Variants in SLC19A2 observed in about 807,000 individuals in gnomAD.
SLC19A2 encodes thiamine transporter 1.
Under a neutral mutation model 44.7 loss-of-function variants are expected in SLC19A2, and 27 were observed. The ratio of observed to expected loss-of-function variants is 0.60; its 90% confidence interval spans 0.45 to 0.83. The LOEUF (loss-of-function observed/expected upper bound fraction) is 0.83, where lower values mean the gene tolerates loss of function less well. Among genes scored for constraint, SLC19A2 ranks in the 40% least tolerant of loss-of-function variants. The probability of loss-of-function intolerance (pLI) is 0.00; values close to 1 mark genes in which losing one functional copy is unlikely to be tolerated. For missense variants in SLC19A2, 566 were observed against 613.7 expected, an observed-to-expected ratio of 0.92 and a Z score of 0.82; for synonymous variants, 239 against 243.6, an observed-to-expected ratio of 0.98 and a Z score of 0.18.
In SLC19A2 at chr1:169,464,585, C is replaced by T. The variant is rs1313168545; in HGVS notation, c.*1264G>A. 6.6e-6 allele frequency: 1 copy of T among 152,306 alleles called. No individual in the cohort carries two copies. The highest frequency in any genetic ancestry group is 1.5e-5 in the Non-Finnish European group (1 of 67,988). 9.4% of individuals were successfully genotyped at this position (152,306 alleles called of 1,614,324 possible). On this transcript the variant is annotated 3_prime_UTR_variant, in exon 6 of 6. Coordinates refer to ENST00000236137, the MANE Select transcript of SLC19A2 (RefSeq NM_006996.3). Reference sequence around the variant, plus strand: ...TATCTAGATTCTTTTCAAGATAAGGCAACAAAGTCAGCTTTAAAATAGTTT... The same window carrying T: ...TATCTAGATTCTTTTCAAGATAAGGTAACAAAGTCAGCTTTAAAATAGTTT...
chr1:169,484,600 G>T (rs1159134740), intron 1 of SLC19A2, among the ~76,000 whole-genome samples: 1 of 152,202 alleles, frequency 6.6e-6, no homozygotes, highest in African/African-American at 2.4e-5. Context: ...CGGTTTTGTG[G>T]AAGTACTTTG....
Position 169,485,663 on chromosome 1 carries a change from G to A in SLC19A2, c.104C>T (p.Ala35Val), listed in dbSNP as rs756487822. 1.4e-5 allele frequency: 22 copies of A among 1,553,202 alleles called. No homozygotes were observed. The Admixed American group carries it at 4.3e-4, about 30-fold the overall frequency. ...VRRECWFLPT[A>V]LLCAYGFFAS... The stretch of plus-strand genomic sequence containing the variant: ...GAAGAAGCCGTAGGCGCAGAGCAGC[G>A]CGGTCGGCAAGAACCAGCATTCGCG... Residue 35 changes from alanine (A) to valine (V), a missense_variant, in exon 1 of 6, where the codon GCG becomes GTG. Transcript: ENST00000236137.
chr1:169,471,060 C>CA (rs34821464), intron 2 of SLC19A2, among the ~76,000 whole-genome samples: 29,880 of 133,250 alleles, frequency 0.22, 4,252 homozygotes, highest in East Asian at 0.81. Flanking sequence ...CTATCTCTAC[C>CA]AAAAAAAAAA....
At chr1:169,473,233 T>TTTTA (rs994490659) in intron 2 of SLC19A2, among the ~76,000 whole-genome samples, 2 of 151,792 alleles carry the variant, frequency 1.3e-5, no homozygotes, top group African/African-American at 2.4e-5. Context: ...TGGGTGGAAA[T>TTTTA]TTTATTTATT....
rs2101773650 is a variant in SLC19A2 at position 169,468,679 on chromosome 1, G to A, written c.1188C>T (p.Phe396=). The change falls in exon 4 of 6, where the codon TTC becomes TTT. Residue 396 remains phenylalanine (F), a synonymous_variant. Coordinates refer to ENST00000236137, the MANE Select transcript of SLC19A2 (RefSeq NM_006996.3). ...IWVCYASYVV[F]RIIYMLLITI... is the part of the protein sequence containing the mutation. ...TGATGAGTAACATGTAGATGATTCT[G>A]AAGACAACATAGGATGCATAGCACA... The A allele has an allele frequency of 1.2e-6, 2 of 1,613,682 alleles. No individual in the cohort carries two copies. The highest frequency in any genetic ancestry group is 4.5e-5 in the East Asian group (2 of 44,878).
intron 2 of SLC19A2, 35 bp downstream of exon 2, chr1:169,477,120 A>G (rs1375751159): frequency 6.2e-7 from 1 of 1,612,090 alleles, no homozygotes; most frequent in Non-Finnish European, 8.5e-7. Flanking sequence ...CAGCCCCCAT[A>G]GTAGCAATTA....
rs1658349915 is a variant in SLC19A2 at position 169,477,428 on chromosome 1, G to C, written c.534C>G (p.Ile178Met). ...GFTVGSVLGQ[I>M]LVSVAGWSLF... ...GCGACCAGCCTGCCACTGAGACAAGGATTTGCCCTAGGACAGAGCCCACTG... is the reference window on the plus strand; with the variant it reads ...GCGACCAGCCTGCCACTGAGACAAGCATTTGCCCTAGGACAGAGCCCACTG... Residue 178 changes from isoleucine (I) to methionine (M), a missense_variant, in exon 2 of 6, where the codon ATC (isoleucine) becomes ATG (methionine). By Grantham distance (10) the Ile-to-Met change is conservative. Transcript: ENST00000236137. The C allele has an allele frequency of 1.2e-6, 2 of 1,614,170 alleles. No homozygotes were observed. The highest frequency in any genetic ancestry group is 1.1e-5 in the South Asian group (1 of 91,082).
At position 169,468,264 on chromosome 1, in the gene SLC19A2, AT is replaced by A. The variant is rs758932092; in HGVS notation, c.1224-13del. On this transcript the variant is annotated splice_polypyrimidine_tract_variant and intron_variant, in intron 4 of 5. Coordinates refer to ENST00000236137, the MANE Select transcript of SLC19A2 (RefSeq NM_006996.3). ...CAGCAATTTGAAAACTTAAAAAAAA[AT>A]AAAAGAGTGAATAAATAAGAATTAC... 10 of 1,607,516 alleles carry A rather than the reference AT, an allele frequency of 6.2e-6. No individual in the cohort carries two copies. Among genetic ancestry groups the A allele is most frequent in the Non-Finnish European group, 8.5e-6 (10 of 1,174,786 alleles).
At chr1:169,466,812 C>T (rs527349480) in intron 5 of SLC19A2, among the ~76,000 whole-genome samples, 8 of 151,800 alleles carry the variant, frequency 5.3e-5, no homozygotes, top group Non-Finnish European at 8.8e-5. Flanking sequence ...TGTTAGTTTG[C>T]GGCGGATGAT....
Position 169,475,623 on chromosome 1 carries a change from TC to T in SLC19A2, c.807+1531del, listed in dbSNP as rs540408463. Among the ~76,000 whole-genome samples the T allele has an allele frequency of 3.9e-5, 6 of 152,204 alleles. No homozygotes were observed. In the South Asian group the frequency reaches 1.2e-3, roughly 32 times the overall value. ...TCTATGAAATGATTACACACCTCCT[TC>T]CCTCCCCCATCAACCCTCTGTTGAC... On this transcript the variant is annotated intron_variant, in intron 2 of 5. Transcript: ENST00000236137.
At chr1:169,475,406 A>G (rs779923803) in intron 2 of SLC19A2, among the ~76,000 whole-genome samples, 14 of 152,126 alleles carry the variant, frequency 9.2e-5, no homozygotes, top group Non-Finnish European at 1.5e-4. Flanking sequence ...AATGTTTTCT[A>G]TGTTTCTTAC....
Position 169,464,830 on chromosome 1 carries a change from C to T in SLC19A2, c.*1019G>A, listed in dbSNP as rs754840404. ...CCATTGAAATAATTGAAAAGAGGCTCAGTTTATGAAAAAGGCCTTGGACTA... is the reference window on the plus strand; with the variant it reads ...CCATTGAAATAATTGAAAAGAGGCTTAGTTTATGAAAAAGGCCTTGGACTA... On this transcript the variant is annotated 3_prime_UTR_variant, in exon 6 of 6. Transcript: ENST00000236137. The T allele has an allele frequency of 3.3e-5, 5 of 152,502 alleles. No individual in the cohort carries two copies. The highest frequency in any genetic ancestry group is 5.9e-5 in the Non-Finnish European group (4 of 68,006). 9.4% of individuals were successfully genotyped at this position (152,502 alleles called of 1,614,324 possible).
rs1042607160 is a variant in SLC19A2, at chr1:169,485,741, C to G, written c.26G>C (p.Arg9Pro). Residue 9 changes from arginine (R) to proline (P), a missense_variant, in exon 1 of 6, where the codon CGG (arginine) becomes CCG (proline). Physicochemically the swap from Arg to Pro is moderately radical, Grantham distance 103 (BLOSUM62 -2). Transcript: ENST00000236137. ...AGTGGCCGCCGCCGCCGCCGCCCGCCGAGACACCGGGCCGGGCACATCCAT... is the reference window on the plus strand; with the variant it reads ...AGTGGCCGCCGCCGCCGCCGCCCGCGGAGACACCGGGCCGGGCACATCCAT... MDVPGPVS[R>P]RAAAAAATVL... 3 of 1,536,230 alleles carry G rather than the reference C, an allele frequency of 2.0e-6. No homozygotes were observed. The highest frequency in any genetic ancestry group is 2.0e-5 in the Admixed American group (1 of 50,842).
chr1:169,479,645 A>G (rs1658400937), intron 1 of SLC19A2, among the ~76,000 whole-genome samples: 1 of 152,254 alleles, frequency 6.6e-6, no homozygotes, highest in African/African-American at 2.4e-5. Flanking sequence ...TGAATTAACT[A>G]AATTAATTGA....
rs1658339877 is a variant in SLC19A2, at chr1:169,477,181, T to C, written c.781A>G (p.Met261Val). 6.2e-7 allele frequency: 1 copy of C among 1,613,736 alleles called. No homozygotes were observed. The highest frequency in any genetic ancestry group is 1.3e-5 in the African/African-American group (1 of 74,898). The change falls in exon 2 of 6, where the codon ATG (methionine) becomes GTG (valine). Residue 261 changes from methionine to valine, a missense_variant. Physicochemically the swap from Met to Val is conservative, Grantham distance 21 (BLOSUM62 1). Transcript: ENST00000236137. Reference protein sequence around the residue: ...EDIESKIPLNMEEPPVEEPEP... With the variant: ...EDIESKIPLNVEEPPVEEPEP... Reference sequence around the variant, plus strand: ...GGTTCCTCCACGGGAGGCTCCTCCATATTTAGAGGGATTTTTGACTCAATG... The same window carrying C: ...GGTTCCTCCACGGGAGGCTCCTCCACATTTAGAGGGATTTTTGACTCAATG...
chr1:169,471,675 C>CGTGTGTGTGTGT (rs140548510), intron 2 of SLC19A2, among the ~76,000 whole-genome samples: 19,129 of 131,226 alleles, frequency 0.15, 1,520 homozygotes, highest in Middle Eastern at 0.19. Context: ...AAAAAACAAA[C>CGTGTGTGTGTGT]GTGTGTGTGT....
In SLC19A2 at chr1:169,477,770, G is replaced by GAAA. The variant is rs755410874; in HGVS notation, c.205-16_205-14dup. The GAAA allele has an allele frequency of 4.0e-6, 5 of 1,237,418 alleles. No individual in the cohort carries two copies. The highest frequency in any genetic ancestry group is 4.9e-5 in the Admixed American group (2 of 41,226). The allele number at this position is 1,237,418 out of a possible 1,614,324, so 76.7% of individuals were successfully genotyped here. ...TTTCATTGAAGACCTGGTAGAAAGAGAAAAAAAAAAAACAAAAAACATTAG... is the reference window on the plus strand; with the variant it reads ...TTTCATTGAAGACCTGGTAGAAAGAGAAAAAAAAAAAAAAACAAAAAACATTAG... On this transcript the variant is annotated splice_polypyrimidine_tract_variant and intron_variant, in intron 1 of 5. Transcript: ENST00000236137.
rs768513895 is a variant in SLC19A2 at position 169,485,754 on chromosome 1, C to G, written c.13G>C (p.Gly5Arg). 5.9e-6 allele frequency: 9 copies of G among 1,534,468 alleles called. No individual in the cohort carries two copies. The highest frequency in any genetic ancestry group is 7.0e-6 in the Non-Finnish European group (8 of 1,144,832). Residue 5 changes from glycine to arginine, a missense_variant, in exon 1 of 6, where the codon GGC (glycine) becomes CGC (arginine). By Grantham distance (125) the Gly-to-Arg change is moderately radical (BLOSUM62 -2). Transcript: ENST00000236137. The part of the protein sequence containing the change: MDVP[G>R]PVSRRAAAAA... Reference sequence around the variant, plus strand: ...GCCGCCGCCCGCCGAGACACCGGGCCGGGCACATCCATCCGGGGCGCGAGG... The same window carrying G: ...GCCGCCGCCCGCCGAGACACCGGGCGGGGCACATCCATCCGGGGCGCGAGG...
chr1:169,468,450 C>A, intron 4 of SLC19A2, 194 bp downstream of exon 4: 2 of 683,130 alleles, frequency 2.9e-6, no homozygotes. Flanking sequence ...ACAGTAGGAA[C>A]ATACAAACAT....
Sources: gnomAD v4.1 joint callset for allele counts (sites outside exome capture counted in the v4.1 genomes callset) on GRCh38, gnomAD v4.1.1 for gene constraint, MANE v1.5 for transcripts, NCBI Gene and HGNC (gene_info 2026-07-23, HGNC 2026-07-21) for gene names.